PDZRN4: variants seen among roughly 807,000 people sequenced by gnomAD.
PDZRN4 encodes PDZ domain-containing RING finger protein 4.
A neutral mutation model predicts 99.0 loss-of-function variants in PDZRN4; 70 were observed. That is an observed-to-expected ratio of 0.71 (90% confidence interval 0.58 to 0.86). PDZRN4 has a LOEUF of 0.86. PDZRN4 is among the 40% of genes least tolerant of loss of function. The pLI is 0.00. For synonymous variants in PDZRN4, 551 were observed against 501.6 expected, an observed-to-expected ratio of 1.10 and a Z score of -1.32; for missense variants, 1,474 against 1,331.2, an observed-to-expected ratio of 1.11 and a Z score of -1.67.
chr12:41,193,988 A>G (rs1950753879), intron 2 of PDZRN4, 93 bp from the exon 3 acceptor site: 3 of 657,906 alleles, frequency 4.6e-6, no homozygotes, highest in Non-Finnish European at 8.1e-6. Context: ...GCAGGTTTAC[A>G]GAGGATTGGT....
chr12:41,348,909 A>C (rs1172853713), intron 3 of PDZRN4, among the ~76,000 whole-genome samples: 1 of 152,168 alleles, frequency 6.6e-6, no homozygotes, highest in East Asian at 1.9e-4. Flanking sequence ...TGTAAAAGCT[A>C]TTAAAATGTC....
intron 3 of PDZRN4, among the ~76,000 whole-genome samples, chr12:41,443,361 CAGT>C (rs1044432255): frequency 6.6e-6 from 1 of 151,970 alleles, no homozygotes; most frequent in African/African-American, 2.4e-5. Context: ...GGTAAACAGG[CAGT>C]AGATGTCAAT....
chr12:41,432,438 G>C (rs76216927), intron 3 of PDZRN4, among the ~76,000 whole-genome samples: 1 of 152,184 alleles, frequency 6.6e-6, no homozygotes, highest in Non-Finnish European at 1.5e-5. Flanking sequence ...CATTGCTAAT[G>C]TGTGTTACAA....
intron 3 of PDZRN4, among the ~76,000 whole-genome samples, chr12:41,385,139 G>T (rs559290749): frequency 1.3e-5 from 2 of 152,124 alleles, no homozygotes; most frequent in African/African-American, 2.4e-5. Flanking sequence ...AATGTGTAAG[G>T]AAATAATACT....
intron 3 of PDZRN4, among the ~76,000 whole-genome samples, chr12:41,399,671 G>A (rs570520748): frequency 5.6e-4 from 85 of 152,082 alleles, no homozygotes; most frequent in African/African-American, 2.0e-3. Flanking sequence ...AGGGGGCAGA[G>A]GTTGTAGTGA....
At chr12:41,529,661 C>A (rs1363944618) in intron 5 of PDZRN4, among the ~76,000 whole-genome samples, 1 of 152,136 alleles carries the variant, frequency 6.6e-6, no homozygotes, top group African/African-American at 2.4e-5. Context: ...AAAATGCCAA[C>A]CTTAGGCAGT....
chr12:41,361,105 T>A (rs1951961207), intron 3 of PDZRN4, among the ~76,000 whole-genome samples: 1 of 152,070 alleles, frequency 6.6e-6, no homozygotes, highest in Non-Finnish European at 1.5e-5. Context: ...CCTTATTTAG[T>A]GTGAGTATTT....
chr12:41,340,182 C>G (rs1368691776), intron 3 of PDZRN4, among the ~76,000 whole-genome samples: 1 of 151,978 alleles, frequency 6.6e-6, no homozygotes, highest in Non-Finnish European at 1.5e-5. Context: ...ACCTAAGTGT[C>G]CATCAACAGA....
chr12:41,266,004 G>A (rs979938998), intron 3 of PDZRN4, among the ~76,000 whole-genome samples: 32 of 152,102 alleles, frequency 2.1e-4, no homozygotes, highest in African/African-American at 6.8e-4. Flanking sequence ...GTGTTGCTTC[G>A]TTCATGTCTT....
intron 5 of PDZRN4, among the ~76,000 whole-genome samples, chr12:41,539,764 A>G (rs1463462353): frequency 6.6e-6 from 1 of 152,182 alleles, no homozygotes; most frequent in African/African-American, 2.4e-5. Flanking sequence ...ATGCTTTTCA[A>G]ATAAAGAGAA....
chr12:41,374,090 G>C lies in PDZRN4; in HGVS notation c.844-132366G>C, dbSNP rs80111745. Among the ~76,000 whole-genome samples, 391 of 152,140 alleles carry C rather than the reference G, an allele frequency of 2.6e-3. 4 individuals are homozygous for C. The highest frequency in any genetic ancestry group is 0.014 in the Middle Eastern group (4 of 294). ...AACACAAGGGAGACAGCGCTGGAGCGAGAGCTCTTTGGCTACCTCCTTGAG... is the reference window on the plus strand; with the variant it reads ...AACACAAGGGAGACAGCGCTGGAGCCAGAGCTCTTTGGCTACCTCCTTGAG... On this transcript the variant is annotated intron_variant, in intron 3 of 9. Transcript: ENST00000402685.
chr12:41,559,473 A>C (rs1180959114), intron 7 of PDZRN4, among the ~76,000 whole-genome samples: 1 of 152,152 alleles, frequency 6.6e-6, no homozygotes, highest in Admixed American at 6.5e-5. Flanking sequence ...GTAAAAGACC[A>C]CATATATGAC....
Position 41,450,807 on chromosome 12 carries a change from A to C in PDZRN4, c.844-55649A>C, listed in dbSNP as rs12231803. 3.9e-3 allele frequency among the ~76,000 whole-genome samples: 587 copies of C among 152,226 alleles called. 18 individuals carry two copies. The East Asian group carries it at 0.092, about 24-fold the overall frequency. The stretch of plus-strand genomic sequence containing the variant: ...ACCGAGCTTGGTGGTTCATGCCTTT[A>C]CTTTCAGCTACGTGGGAGGCTAAGA... On this transcript the variant is annotated intron_variant, in intron 3 of 9. Coordinates refer to ENST00000402685, the MANE Select transcript of PDZRN4 (RefSeq NM_001164595.2).
chr12:41,401,557 C>A (rs1952288688), intron 3 of PDZRN4, among the ~76,000 whole-genome samples: 1 of 152,100 alleles, frequency 6.6e-6, no homozygotes, highest in Non-Finnish European at 1.5e-5. Flanking sequence ...ACCTTTTTCA[C>A]CGATCCAGAC....
rs574916071 is a variant in PDZRN4, at chr12:41,393,854, C to T, written c.844-112602C>T. 7.0e-4 allele frequency among the ~76,000 whole-genome samples: 106 copies of T among 152,244 alleles called. 3 individuals carry two copies. Among genetic ancestry groups the T allele is most frequent in the African/African-American group, 2.0e-3 (83 of 41,560 alleles). On this transcript the variant is annotated intron_variant, in intron 3 of 9. Coordinates refer to ENST00000402685, the MANE Select transcript of PDZRN4 (RefSeq NM_001164595.2). ...TTGTCGGGATGGTTGTGCAGCTGGG[C>T]TCAACTGGAACTGATAACCAGAACA...
chr12:41,270,145 T>G (rs1951304272), intron 3 of PDZRN4, among the ~76,000 whole-genome samples: 1 of 150,632 alleles, frequency 6.6e-6, no homozygotes, highest in Non-Finnish European at 1.5e-5. Context: ...TCTAAAGCAG[T>G]GATAATTATT....
chr12:41,269,217 CACTTTCTATAAAGTAG>C (rs1216279398), intron 3 of PDZRN4, among the ~76,000 whole-genome samples: 1 of 152,180 alleles, frequency 6.6e-6, no homozygotes. Context: ...AAATGATTGA[CACTTTCTATAAAGTAG>C]ACTTTCACTG....
intron 3 of PDZRN4, among the ~76,000 whole-genome samples, chr12:41,481,208 C>T (rs1488372734): frequency 1.3e-5 from 2 of 151,956 alleles, no homozygotes; most frequent in African/African-American, 2.4e-5. Context: ...TGATAGGAAC[C>T]TATCACCCAT....
chr12:41,556,395 C>T (rs1246908572), intron 7 of PDZRN4, among the ~76,000 whole-genome samples: 1 of 152,224 alleles, frequency 6.6e-6, no homozygotes, highest in African/African-American at 2.4e-5. Flanking sequence ...GCCTACTACA[C>T]ACACACTTAG....
Sources: allele counts gnomAD v4.1 joint callset (sites outside exome capture counted in the v4.1 genomes callset), GRCh38; gene constraint gnomAD v4.1.1; transcripts MANE v1.5; gene names NCBI Gene and HGNC (gene_info 2026-07-23, HGNC 2026-07-21).